Variants in ADGRA3 observed in about 807,000 individuals in gnomAD.
ADGRA3 encodes G-protein coupled receptor 125.
Under a neutral mutation model 119.8 loss-of-function variants are expected in ADGRA3, and 56 were observed. The observed-to-expected ratio is 0.47, with a 90% confidence interval of 0.38 to 0.58. The LOEUF is 0.58. Ranked by LOEUF, ADGRA3 falls within the 20% of genes least tolerant of loss-of-function variation. The pLI is 0.00. For missense variants in ADGRA3, 1,516 were observed against 1,649.0 expected, an observed-to-expected ratio of 0.92 and a Z score of 1.40; for synonymous variants, 607 against 623.8, an observed-to-expected ratio of 0.97 and a Z score of 0.40.
intron 1 of ADGRA3, among the ~76,000 whole-genome samples, chr4:22,495,678 G>A (rs1294171418): frequency 6.6e-6 from 1 of 151,994 alleles, no homozygotes; most frequent in Non-Finnish European, 1.5e-5. Flanking sequence ...GGAGGCCAGG[G>A]CGGGTGGATG....
At chr4:22,431,096 T>G in intron 10 of ADGRA3, among the ~76,000 whole-genome samples, 1 of 152,100 alleles carries the variant, frequency 6.6e-6, no homozygotes, top group East Asian at 1.9e-4. Flanking sequence ...GCTGCAGGGG[T>G]AGGGCTCTCA....
chr4:22,473,794 C>G lies in ADGRA3; in HGVS notation c.307G>C (p.Gly103Arg). 1.2e-6 allele frequency: 2 copies of G among 1,603,976 alleles called. No homozygotes were observed. Among genetic ancestry groups the G allele is most frequent in the Non-Finnish European group, 1.7e-6 (2 of 1,173,496 alleles). ...ISELKNGSFS[G>R]LSLLERLDLR... is the part of the protein sequence containing the mutation. ...CACAATCTTTCAAGGAGACTTAACCCAGAAAATGAGCCATTCTTCAGCTCG... is the reference window on the plus strand; with the variant it reads ...CACAATCTTTCAAGGAGACTTAACCGAGAAAATGAGCCATTCTTCAGCTCG... Residue 103 changes from glycine (G) to arginine (R), a missense_variant, in exon 2 of 19, where the codon GGG becomes CGG. By Grantham distance (125) the Gly-to-Arg change is moderately radical (BLOSUM62 -2). Coordinates refer to ENST00000334304, the MANE Select transcript of ADGRA3 (RefSeq NM_145290.4).
In ADGRA3 at chr4:22,482,435, T is replaced by C. The variant is rs1219272405; in HGVS notation, c.258-8592A>G. 2.6e-5 allele frequency among the ~76,000 whole-genome samples: 4 copies of C among 151,708 alleles called. No homozygotes were observed. In the East Asian group the frequency reaches 7.8e-4, roughly 30 times the overall value. The stretch of plus-strand genomic sequence containing the variant: ...ATTTGGGAGGCTGAGGCAGGAGGAC[T>C]GCTTGAGCCCAGGAGTTAGAGACCA... On this transcript the variant is annotated intron_variant, in intron 1 of 18. Transcript: ENST00000334304.
At chr4:22,421,142 A>T in intron 11 of ADGRA3, 53 bp from the exon 12 acceptor site, 2 of 1,485,662 alleles carry the variant, frequency 1.3e-6, no homozygotes, top group Admixed American at 3.5e-5. Flanking sequence ...ACAAAGGAAA[A>T]GCACTTTCAA....
At chr4:22,509,364 G>A (rs1022849518) in intron 1 of ADGRA3, among the ~76,000 whole-genome samples, 17 of 151,948 alleles carry the variant, frequency 1.1e-4, no homozygotes, top group African/African-American at 3.6e-4. Flanking sequence ...TTAGCTGGGC[G>A]TGGTGGCGTG....
At chr4:22,448,354 T>C (rs757844920) in intron 4 of ADGRA3, among the ~76,000 whole-genome samples, 10 of 152,158 alleles carry the variant, frequency 6.6e-5, no homozygotes, top group Non-Finnish European at 1.5e-5. Flanking sequence ...AAAATGAGAC[T>C]GAGCACTCTG....
At chr4:22,443,360 A>G (rs1280191315) in intron 6 of ADGRA3, among the ~76,000 whole-genome samples, 1 of 152,218 alleles carries the variant, frequency 6.6e-6, no homozygotes, top group African/African-American at 2.4e-5. Context: ...GTTTTTAATC[A>G]GTTTTTTCCT....
chr4:22,498,908 G>C (rs185949455), intron 1 of ADGRA3, among the ~76,000 whole-genome samples: 1 of 100,944 alleles, frequency 9.9e-6, no homozygotes, highest in Non-Finnish European at 1.9e-5. Flanking sequence ...AGCGAGACTC[G>C]TCTCAAAAAA....
chr4:22,478,842 A>G (rs914654466), intron 1 of ADGRA3, among the ~76,000 whole-genome samples: 2 of 152,232 alleles, frequency 1.3e-5, no homozygotes, highest in Non-Finnish European at 2.9e-5. Context: ...ACAAGCCATA[A>G]TAACTAAGGA....
chr4:22,391,638 A>G (rs1714139420), intron 17 of ADGRA3, among the ~76,000 whole-genome samples: 1 of 152,116 alleles, frequency 6.6e-6, no homozygotes, highest in Non-Finnish European at 1.5e-5. Context: ...TTCTAAAATG[A>G]CACCATGTCA....
chr4:22,426,051 A>G (rs1015451812), intron 10 of ADGRA3, among the ~76,000 whole-genome samples: 6 of 152,350 alleles, frequency 3.9e-5, no homozygotes, highest in Middle Eastern at 3.4e-3. Flanking sequence ...CAAGGTTCCT[A>G]AAACCGTGCC....
intron 1 of ADGRA3, among the ~76,000 whole-genome samples, chr4:22,490,732 T>G (rs1205916242): frequency 1.3e-5 from 2 of 152,038 alleles, no homozygotes; most frequent in Admixed American, 1.3e-4. Flanking sequence ...AAACAAACAA[T>G]ACTAGTGGAA....
At position 22,387,551 on chromosome 4, in the gene ADGRA3, G is replaced by A. The variant is rs1468964079; in HGVS notation, c.*154C>T. ...AGATCCTAAAAAATAGCAACAATTT[G>A]GGGATAAAAATAAGTAAAATCCAAA... On this transcript the variant is annotated 3_prime_UTR_variant, in exon 19 of 19. Transcript: ENST00000334304. 1.5e-6 allele frequency: 1 copy of A among 653,936 alleles called. No homozygotes were observed. Among genetic ancestry groups the A allele is most frequent in the Non-Finnish European group, 2.4e-6 (1 of 414,630 alleles). 40.5% of individuals were successfully genotyped at this position (653,936 alleles called of 1,614,324 possible). A position where few individuals can be genotyped will look rare whatever the true frequency, so the allele number is the denominator to read the frequency against.
chr4:22,500,440 G>A (rs756962075), intron 1 of ADGRA3, among the ~76,000 whole-genome samples: 1 of 141,980 alleles, frequency 7.0e-6, no homozygotes, highest in African/African-American at 2.5e-5. Flanking sequence ...CCTAGAACAC[G>A]ATCAACATTC....
intron 1 of ADGRA3, among the ~76,000 whole-genome samples, chr4:22,481,771 A>T (rs935825176): frequency 6.6e-6 from 1 of 152,160 alleles, no homozygotes; most frequent in African/African-American, 2.4e-5. Flanking sequence ...GGTCTGTAAA[A>T]CCTAAAATAT....
intron 14 of ADGRA3, among the ~76,000 whole-genome samples, chr4:22,409,444 C>A (rs1158790265): frequency 1.3e-5 from 2 of 152,146 alleles, no homozygotes; most frequent in Non-Finnish European, 2.9e-5. Context: ...GGATTATTAA[C>A]ACAGATCCCA....
chr4:22,400,831 C>G (rs1714603831), intron 16 of ADGRA3, among the ~76,000 whole-genome samples: 1 of 152,014 alleles, frequency 6.6e-6, no homozygotes, highest in Non-Finnish European at 1.5e-5. Flanking sequence ...CGTTATACTT[C>G]TTGCTATCAT....
chr4:22,461,599 C>T, intron 3 of ADGRA3, 138 bp downstream of exon 3: 1 of 584,394 alleles, frequency 1.7e-6, no homozygotes, highest in Non-Finnish European at 3.0e-6. Context: ...TGTGCCCAGC[C>T]TCTTTCTGTA....
intron 1 of ADGRA3, among the ~76,000 whole-genome samples, chr4:22,497,431 C>A (rs1718874530): frequency 6.6e-6 from 1 of 152,006 alleles, no homozygotes; most frequent in South Asian, 2.1e-4. Context: ...GAGAAGCAGG[C>A]TGGTCTACTC....
Sources: allele counts gnomAD v4.1 joint callset (sites outside exome capture counted in the v4.1 genomes callset), GRCh38; gene constraint gnomAD v4.1.1; transcripts MANE v1.5; gene names NCBI Gene and HGNC (gene_info 2026-07-23, HGNC 2026-07-21).